Variants in SCAI observed in about 807,000 individuals in gnomAD.
SCAI encodes the protein suppressor of cancer cell invasion, also known as protein SCAI.
A neutral mutation model predicts 92.2 loss-of-function variants in SCAI; 24 were observed. The observed-to-expected ratio is 0.26, with a 90% CI of 0.19 to 0.37. SCAI has a LOEUF of 0.37. Among genes scored for constraint, SCAI ranks in the 10% least tolerant of loss-of-function variants. The probability of loss-of-function intolerance (pLI) is 1.00; values close to 1 mark genes in which losing one functional copy is unlikely to be tolerated. For missense variants in SCAI, 450 were observed against 736.2 expected (o/e 0.61, Z 4.50); for synonymous variants, 261 against 258.6 (o/e 1.01, Z -0.09).
chr9:125,057,351 T>C (rs1035313407), intron 2 of SCAI, among the ~76,000 whole-genome samples: 1 of 152,032 alleles, frequency 6.6e-6, no homozygotes, highest in Non-Finnish European at 1.5e-5. Flanking sequence ...TGCCACACAA[T>C]AGCTTACACA....
chr9:124,989,901 A>T (rs1393862730), intron 14 of SCAI, among the ~76,000 whole-genome samples: 1 of 151,194 alleles, frequency 6.6e-6, no homozygotes, highest in African/African-American at 2.4e-5. Flanking sequence ...AAGGCCAGGC[A>T]CGATGGCTCA....
chr9:125,013,323 C>T (rs879726124), intron 9 of SCAI, among the ~76,000 whole-genome samples: 29 of 151,700 alleles, frequency 1.9e-4, no homozygotes, highest in South Asian at 1.3e-3. Context: ...ATCAAATAGA[C>T]GCAATAAAAA....
intron 6 of SCAI, among the ~76,000 whole-genome samples, chr9:125,023,420 T>C (rs965480133): frequency 2.6e-5 from 4 of 152,212 alleles, no homozygotes; most frequent in Non-Finnish European, 5.9e-5. Context: ...GCCTATCATA[T>C]TGTCGAAAGT....
intron 2 of SCAI, among the ~76,000 whole-genome samples, chr9:125,079,583 G>T (rs796414326): frequency 4.0e-5 from 6 of 151,002 alleles, no homozygotes; most frequent in East Asian, 1.9e-4. Flanking sequence ...AAAATGCCTG[G>T]TTTTTTTTTA....
At chr9:124,955,598 G>A (rs1400223248) in intron 17 of SCAI, among the ~76,000 whole-genome samples, 1 of 151,678 alleles carries the variant, frequency 6.6e-6, no homozygotes, top group Non-Finnish European at 1.5e-5. Context: ...TCCTGACTGG[G>A]CAACAGAGTG....
rs1462089679 is a variant in SCAI at position 124,944,068 on chromosome 9, C to T, written c.*8739G>A. 9.2e-5 allele frequency: 14 copies of T among 152,080 alleles called. No individual in the cohort carries two copies. Among genetic ancestry groups the T allele is most frequent in the Admixed American group, 9.2e-4 (14 of 15,256 alleles). The allele number at this position is 152,080 out of a possible 1,614,324, so 9.4% of individuals were successfully genotyped here. ...TTTCTACCTCAACTGGAAGAATCAT[C>T]CAAAATCTAAAGGTTTCTCTGATTG... On this transcript the variant is annotated 3_prime_UTR_variant, in exon 18 of 18. Transcript: ENST00000336505.
Position 125,114,708 on chromosome 9 carries a change from C to T in SCAI, c.98+27925G>A, listed in dbSNP as rs959284024. 2.7e-5 allele frequency among the ~76,000 whole-genome samples: 4 copies of T among 150,238 alleles called. No individual in the cohort carries two copies. In the East Asian group the frequency reaches 5.9e-4, roughly 22 times the overall value. ...CCAGCCTTGAACTCCTTGGCTCAAA[C>T]GATCCTCTCACCTTGGCCTCTAAGT... On this transcript the variant is annotated intron_variant, in intron 2 of 17. Coordinates refer to ENST00000336505, the MANE Select transcript of SCAI (RefSeq NM_001144877.3).
intron 14 of SCAI, among the ~76,000 whole-genome samples, chr9:124,978,270 G>A (rs192644306): frequency 3.0e-4 from 45 of 152,198 alleles, no homozygotes; most frequent in African/African-American, 6.5e-4. Flanking sequence ...ATGAAACCCC[G>A]TTTCCACTAA....
chr9:124,995,141 A>G (rs1832213189), intron 13 of SCAI, 126 bp from the exon 14 acceptor site: 1 of 620,366 alleles, frequency 1.6e-6, no homozygotes, highest in Non-Finnish European at 2.8e-6. Flanking sequence ...AGACTAGTTA[A>G]GCAAAGGGGA....
chr9:125,108,428 A>G (rs1345946546), intron 2 of SCAI, among the ~76,000 whole-genome samples: 3 of 150,536 alleles, frequency 2.0e-5, no homozygotes, highest in Admixed American at 6.6e-5. Context: ...GGAAGTGAGG[A>G]GCGTCTCTGC....
At chr9:125,131,774 T>C (rs1835405702) in intron 2 of SCAI, among the ~76,000 whole-genome samples, 1 of 152,220 alleles carries the variant, frequency 6.6e-6, no homozygotes, top group Non-Finnish European at 1.5e-5. Flanking sequence ...GTACGGATGT[T>C]GCTGAGGCAA....
chr9:125,007,768 C>A (rs1035168071), intron 9 of SCAI, among the ~76,000 whole-genome samples: 20 of 151,884 alleles, frequency 1.3e-4, no homozygotes, highest in South Asian at 4.1e-4. Flanking sequence ...AGTGATTCTT[C>A]CACCCCAGTC....
At chr9:125,032,189 A>ATTT (rs1440287800) in intron 3 of SCAI, among the ~76,000 whole-genome samples, 7 of 81,304 alleles carry the variant, frequency 8.6e-5, no homozygotes, top group South Asian at 4.1e-4. Context: ...ATATATATAT[A>ATTT]TATATATTTT....
chr9:125,057,447 C>G (rs1265126230), intron 2 of SCAI, among the ~76,000 whole-genome samples: 1 of 146,044 alleles, frequency 6.8e-6, no homozygotes, highest in Non-Finnish European at 1.5e-5. Context: ...AATGTAACAC[C>G]TAAAATTGAA....
chr9:125,029,951 G>A (rs4838242), intron 3 of SCAI, among the ~76,000 whole-genome samples: 70,384 of 151,812 alleles, frequency 0.46, 16,853 homozygotes, highest in Admixed American at 0.54. Flanking sequence ...CTGACAGGTC[G>A]TTCTTAGTGT....
In SCAI at chr9:124,971,861, G is replaced by GTT. The variant is rs753242096; in HGVS notation, c.1400-19_1400-18dup. 6.5e-7 allele frequency: 1 copy of GTT among 1,540,876 alleles called. No individual in the cohort carries two copies. ...GAGATTGATCTGTAATAACAAACAT[G>GTT]TTATATATATAGACAATAGTTTTGC... is the stretch of plus-strand genomic sequence containing the variant. On this transcript the variant is annotated splice_polypyrimidine_tract_variant and intron_variant, in intron 15 of 17. Coordinates refer to ENST00000336505, the MANE Select transcript of SCAI (RefSeq NM_001144877.3).
chr9:125,105,107 C>T (rs911791085), intron 2 of SCAI, among the ~76,000 whole-genome samples: 1 of 151,928 alleles, frequency 6.6e-6, no homozygotes, highest in Admixed American at 6.6e-5. Context: ...AAAACCAAAG[C>T]CATCATGTAC....
chr9:125,079,049 C>A (rs1369936645), intron 2 of SCAI, among the ~76,000 whole-genome samples: 1 of 151,666 alleles, frequency 6.6e-6, no homozygotes. Context: ...ATAATAGTTT[C>A]CTCTATTTTC....
intron 2 of SCAI, among the ~76,000 whole-genome samples, chr9:125,117,082 GT>G (rs567065891): frequency 6.6e-6 from 1 of 151,740 alleles, no homozygotes; most frequent in Non-Finnish European, 1.5e-5. Context: ...ACCTGAAGAG[GT>G]TTTTTTTCAC....
Sources: allele counts gnomAD v4.1 joint callset (sites outside exome capture counted in the v4.1 genomes callset), GRCh38; gene constraint gnomAD v4.1.1; transcripts MANE v1.5; gene names NCBI Gene and HGNC (gene_info 2026-07-23, HGNC 2026-07-21).